Variants in SEMA6D observed in about 807,000 individuals in gnomAD.
SEMA6D encodes the protein semaphorin-6D.
In SEMA6D, 35 loss-of-function variants were observed where a neutral mutation model predicts 106.6. The observed-to-expected ratio is 0.33, with a 90% CI of 0.25 to 0.44. SEMA6D has a LOEUF of 0.44. Ranked by LOEUF, SEMA6D falls within the 20% of genes least tolerant of loss-of-function variation. The pLI, the probability that SEMA6D is intolerant of heterozygous loss-of-function variation, is 1.00. For synonymous variants in SEMA6D, 499 were observed against 487.7 expected, an observed-to-expected ratio of 1.02 and a Z score of -0.31; for missense variants, 1,185 against 1,345.9, an observed-to-expected ratio of 0.88 and a Z score of 1.87.
chr15:47,583,810 A>C (rs1566910055), intron 3 of SEMA6D, among the ~76,000 whole-genome samples: 1 of 152,160 alleles, frequency 6.6e-6, no homozygotes, highest in Non-Finnish European at 1.5e-5. Context: ...GCTTGGGAGG[A>C]GAGCAGGGGA....
intron 1 of SEMA6D, among the ~76,000 whole-genome samples, chr15:47,242,044 C>T (rs545438797): frequency 6.6e-6 from 1 of 152,010 alleles, no homozygotes; most frequent in African/African-American, 2.4e-5. Context: ...ACTTGTGTGG[C>T]CTTGGATAAG....
intron 1 of SEMA6D, among the ~76,000 whole-genome samples, chr15:47,354,180 TC>T: frequency 5.5e-5 from 1 of 18,070 alleles, no homozygotes; most frequent in Non-Finnish European, 1.0e-4. Flanking sequence ...AGAAAGCCTC[TC>T]TCTCTCTCTC....
intron 1 of SEMA6D, among the ~76,000 whole-genome samples, chr15:47,235,241 C>T (rs1595785811): frequency 6.6e-6 from 1 of 151,776 alleles, no homozygotes; most frequent in East Asian, 1.9e-4. Context: ...GGATAACAGT[C>T]CTTTGTCAGA....
chr15:47,403,533 C>T (rs2040464500), intron 1 of SEMA6D, among the ~76,000 whole-genome samples: 1 of 152,192 alleles, frequency 6.6e-6, no homozygotes, highest in African/African-American at 2.4e-5. Context: ...CAATCTAACA[C>T]AGAAGTAAGA....
chr15:47,764,686 C>T lies in SEMA6D; in HGVS notation c.1146C>T (p.Ser382=). The change falls in exon 12 of 19, where the codon TCC becomes TCT. Residue 382 remains serine, a synonymous_variant. Coordinates refer to ENST00000536845, the MANE Select transcript of SEMA6D (RefSeq NM_001358351.3). Reference sequence around the variant, plus strand: ...GCCTTGCCGAAGCTTATAAAACCTCCATCGATTTCCCGGATGAAACTCTGT... The same window carrying T: ...GCCTTGCCGAAGCTTATAAAACCTCTATCGATTTCCCGGATGAAACTCTGT... ...KHGLAEAYKT[S]IDFPDETLSF... The T allele has an allele frequency of 6.2e-7, 1 of 1,614,082 alleles. No individual in the cohort carries two copies.
At chr15:47,297,141 T>C (rs1482655928) in intron 1 of SEMA6D, among the ~76,000 whole-genome samples, 2 of 152,184 alleles carry the variant, frequency 1.3e-5, no homozygotes, top group African/African-American at 2.4e-5. Flanking sequence ...CATCAGTTGA[T>C]GTATAGTGGA....
In SEMA6D at chr15:47,262,097, A is replaced by G. The variant is rs184723992; in HGVS notation, c.-239+77679A>G. Among the ~76,000 whole-genome samples the G allele has an allele frequency of 2.0e-3, 310 of 152,286 alleles. 2 individuals carry two copies. Among genetic ancestry groups the G allele is most frequent in the African/African-American group, 7.0e-3 (290 of 41,556 alleles). On this transcript the variant is annotated intron_variant, in intron 1 of 19. Transcript: ENST00000558014. ...TCCCATTCACAATTGCCACAAAAAG[A>G]ATGAAATATCTAGGAATACAGCTAA...
Position 47,549,793 on chromosome 15 carries a change from G to A in SEMA6D, c.-86-51072G>A, listed in dbSNP as rs1221511218. The stretch of plus-strand genomic sequence containing the variant: ...TGTACAAACCTTCCTGTTTCTGAGT[G>A]CCTTTAAGAAAATTAAAGGGATTTT... On this transcript the variant is annotated intron_variant, in intron 3 of 19. Coordinates refer to the SEMA6D transcript ENST00000558014. Among the ~76,000 whole-genome samples, 6 of 152,232 alleles carry A rather than the reference G, an allele frequency of 3.9e-5. No homozygotes were observed. In the East Asian group the frequency reaches 9.7e-4, roughly 25 times the overall value.
chr15:47,510,763 A>T (rs2044201850), intron 3 of SEMA6D, among the ~76,000 whole-genome samples: 1 of 152,158 alleles, frequency 6.6e-6, no homozygotes, highest in Non-Finnish European at 1.5e-5. Flanking sequence ...TGAGCTAAGC[A>T]TGGAGGGCAG....
chr15:47,453,299 A>C (rs1382129096), intron 2 of SEMA6D, among the ~76,000 whole-genome samples: 1 of 150,974 alleles, frequency 6.6e-6, no homozygotes, highest in Admixed American at 6.6e-5. Flanking sequence ...AAAAAAAAAC[A>C]CCCTTTCAAC....
chr15:47,610,813 G>A (rs900618031), intron 4 of SEMA6D, among the ~76,000 whole-genome samples: 5 of 152,176 alleles, frequency 3.3e-5, no homozygotes, highest in African/African-American at 1.2e-4. Flanking sequence ...TGCCCAACAT[G>A]ATTGTTTCCA....
At chr15:47,285,613 A>G (rs969949293) in intron 1 of SEMA6D, among the ~76,000 whole-genome samples, 1 of 152,208 alleles carries the variant, frequency 6.6e-6, no homozygotes, top group Non-Finnish European at 1.5e-5. Context: ...TGAATAATTC[A>G]GATGAAAAGT....
At chr15:47,450,872 TTC>T (rs1320866587) in intron 2 of SEMA6D, among the ~76,000 whole-genome samples, 1 of 152,040 alleles carries the variant, frequency 6.6e-6, no homozygotes, top group African/African-American at 2.4e-5. Flanking sequence ...ATATCCTGTG[TTC>T]TCTCCATCTT....
intron 1 of SEMA6D, among the ~76,000 whole-genome samples, chr15:47,207,275 C>G (rs911465241): frequency 1.3e-5 from 2 of 152,150 alleles, no homozygotes; most frequent in Admixed American, 6.5e-5. Flanking sequence ...TCCTCCTTTG[C>G]TCCATTTGTG....
At chr15:47,601,116 G>GAA (rs2076647807) in intron 4 of SEMA6D, among the ~76,000 whole-genome samples, 1 of 151,446 alleles carries the variant, frequency 6.6e-6, no homozygotes, top group Non-Finnish European at 1.5e-5. Flanking sequence ...GAGAGAGAGA[G>GAA]AAAGAGAGAG....
intron 4 of SEMA6D, among the ~76,000 whole-genome samples, chr15:47,693,458 A>G (rs2078631861): frequency 6.6e-6 from 1 of 152,200 alleles, no homozygotes; most frequent in Non-Finnish European, 1.5e-5. Flanking sequence ...AGGAACAATT[A>G]GATGGCTAAA....
At chr15:47,615,744 C>G (rs1241962223) in intron 4 of SEMA6D, among the ~76,000 whole-genome samples, 1 of 152,170 alleles carries the variant, frequency 6.6e-6, no homozygotes, top group Non-Finnish European at 1.5e-5. Flanking sequence ...GAAGGAAATT[C>G]TATTTTATTT....
intron 3 of SEMA6D, among the ~76,000 whole-genome samples, chr15:47,494,519 C>A (rs2043575055): frequency 6.6e-6 from 1 of 151,358 alleles, no homozygotes; most frequent in Non-Finnish European, 1.5e-5. Context: ...AAAGTTTTCC[C>A]ATTAAGTTTT....
At chr15:47,693,761 C>T (rs1297964075) in intron 4 of SEMA6D, among the ~76,000 whole-genome samples, 2 of 151,988 alleles carry the variant, frequency 1.3e-5, no homozygotes, top group African/African-American at 2.4e-5. Flanking sequence ...ATAGTGAGAC[C>T]GCATCTCTAC....
Sources: gnomAD v4.1 joint callset for allele counts (sites outside exome capture counted in the v4.1 genomes callset) on GRCh38, gnomAD v4.1.1 for gene constraint, MANE v1.5 for transcripts, NCBI Gene and HGNC (gene_info 2026-07-23, HGNC 2026-07-21) for gene names.